Variants in OPCML observed in about 807,000 individuals in gnomAD.
OPCML encodes opioid-binding protein/cell adhesion molecule.
Under a neutral mutation model 37.8 loss-of-function variants are expected in OPCML, and 13 were observed. That is an observed-to-expected ratio of 0.34 (90% CI 0.22 to 0.55). The LOEUF (loss-of-function observed/expected upper bound fraction) is 0.55. Ranked by LOEUF, OPCML falls within the 20% of genes least tolerant of loss-of-function variation. The probability of loss-of-function intolerance (pLI) is 0.91; values close to 1 mark genes in which losing one functional copy is unlikely to be tolerated. For missense variants in OPCML, 341 were observed against 435.6 expected (o/e 0.78, Z 1.93); for synonymous variants, 176 against 168.8 (o/e 1.04, Z -0.33).
intron 2 of OPCML, among the ~76,000 whole-genome samples, chr11:132,845,711 TAG>T (rs1349003085): frequency 6.6e-6 from 1 of 152,248 alleles, no homozygotes; most frequent in Non-Finnish European, 1.5e-5. Context: ...TGCTCTTCCA[TAG>T]AGATTCCCGT....
intron 1 of OPCML, among the ~76,000 whole-genome samples, chr11:133,479,551 C>T (rs1384370508): frequency 6.6e-6 from 1 of 152,208 alleles, no homozygotes; most frequent in Non-Finnish European, 1.5e-5. Flanking sequence ...TTGCTGTGCA[C>T]ACAGGCCCTG....
intron 4 of OPCML, among the ~76,000 whole-genome samples, chr11:132,512,926 T>C (rs925729105): frequency 2.6e-5 from 4 of 152,010 alleles, no homozygotes; most frequent in Non-Finnish European, 4.4e-5. Flanking sequence ...TATATAGATA[T>C]ATAAATTTGT....
intron 1 of OPCML, among the ~76,000 whole-genome samples, chr11:133,106,059 A>G (rs887996505): frequency 2.2e-4 from 33 of 152,208 alleles, no homozygotes; most frequent in Admixed American, 2.2e-3. Context: ...TTAAAATAAC[A>G]TAATATTTTA....
intron 1 of OPCML, among the ~76,000 whole-genome samples, chr11:132,947,658 C>T (rs2136689833): frequency 6.6e-6 from 1 of 152,246 alleles, no homozygotes; most frequent in East Asian, 1.9e-4. Flanking sequence ...AGAAAATGAG[C>T]TGAGGTTCAC....
intron 4 of OPCML, among the ~76,000 whole-genome samples, chr11:132,475,174 C>T (rs1481919297): frequency 6.6e-6 from 1 of 152,128 alleles, no homozygotes; most frequent in Non-Finnish European, 1.5e-5. Flanking sequence ...TACATAAGCC[C>T]CCACTAAGAC....
chr11:133,260,990 C>A (rs562359669), intron 1 of OPCML, among the ~76,000 whole-genome samples: 2 of 152,296 alleles, frequency 1.3e-5, no homozygotes, highest in South Asian at 4.2e-4. Flanking sequence ...CGAAGTGCAG[C>A]TCCAGGTGAC....
At chr11:132,726,459 G>A (rs146666264) in intron 2 of OPCML, among the ~76,000 whole-genome samples, 2 of 151,804 alleles carry the variant, frequency 1.3e-5, no homozygotes, top group African/African-American at 4.8e-5. Context: ...CACAACACAT[G>A]GAAATTCAAG....
chr11:133,474,704 A>C (rs1233876022), intron 1 of OPCML, among the ~76,000 whole-genome samples: 5 of 152,114 alleles, frequency 3.3e-5, no homozygotes, highest in Non-Finnish European at 5.9e-5. Flanking sequence ...AACCCAGCTC[A>C]CTCTGGTTGC....
At chr11:132,922,007 G>A (rs1944822994) in intron 2 of OPCML, among the ~76,000 whole-genome samples, 1 of 151,986 alleles carries the variant, frequency 6.6e-6, no homozygotes, top group African/African-American at 2.4e-5. Context: ...AGCCTCCTGA[G>A]TAGCTGGGAT....
At chr11:133,528,548 C>T (rs1490709963) in intron 1 of OPCML, among the ~76,000 whole-genome samples, 1 of 152,182 alleles carries the variant, frequency 6.6e-6, no homozygotes, top group Non-Finnish European at 1.5e-5. Flanking sequence ...TAGAGCCTGC[C>T]CCCAGGCCTT....
intron 2 of OPCML, among the ~76,000 whole-genome samples, chr11:132,910,716 A>G (rs1944400625): frequency 6.6e-6 from 1 of 152,240 alleles, no homozygotes; most frequent in Non-Finnish European, 1.5e-5. Context: ...CTTTAAATAT[A>G]AATATATGCA....
At chr11:132,907,511 T>C (rs1944284779) in intron 2 of OPCML, among the ~76,000 whole-genome samples, 1 of 151,992 alleles carries the variant, frequency 6.6e-6, no homozygotes, top group Non-Finnish European at 1.5e-5. Context: ...CACCCTTGTA[T>C]TCTCAGCTAC....
chr11:132,882,242 C>T (rs1943248698), intron 2 of OPCML, among the ~76,000 whole-genome samples: 1 of 152,108 alleles, frequency 6.6e-6, no homozygotes, highest in Non-Finnish European at 1.5e-5. Flanking sequence ...AAAAATGAAC[C>T]TCGTGGATAT....
intron 1 of OPCML, among the ~76,000 whole-genome samples, chr11:133,327,092 G>A (rs1471652744): frequency 7.0e-6 from 1 of 142,166 alleles, no homozygotes; most frequent in Non-Finnish European, 1.5e-5. Context: ...TGGGGTATGT[G>A]GTGGTGTGTG....
intron 3 of OPCML, among the ~76,000 whole-genome samples, chr11:132,620,893 C>T (rs2137915234): frequency 6.6e-6 from 1 of 152,276 alleles, no homozygotes; most frequent in African/African-American, 2.4e-5. Flanking sequence ...AGGTTGGGTG[C>T]AGCAGAGGAG....
intron 1 of OPCML, among the ~76,000 whole-genome samples, chr11:133,235,882 G>T (rs1853973082): frequency 6.6e-6 from 1 of 152,160 alleles, no homozygotes; most frequent in Non-Finnish European, 1.5e-5. Context: ...AAATGGGAGG[G>T]TTGGACAAGA....
At chr11:133,253,207 G>A (rs1941200372) in intron 1 of OPCML, among the ~76,000 whole-genome samples, 1 of 151,874 alleles carries the variant, frequency 6.6e-6, no homozygotes. Flanking sequence ...AGCAGGCCTT[G>A]GAATCAGAGC....
At chr11:133,074,633 G>T (rs1257276052) in intron 1 of OPCML, among the ~76,000 whole-genome samples, 2 of 152,154 alleles carry the variant, frequency 1.3e-5, no homozygotes, top group African/African-American at 2.4e-5. Context: ...GCTAGTCGGG[G>T]CTCTTGCCCC....
chr11:133,084,898 T>C (rs1948795910), intron 1 of OPCML, among the ~76,000 whole-genome samples: 1 of 152,194 alleles, frequency 6.6e-6, no homozygotes, highest in African/African-American at 2.4e-5. Context: ...ATAAAAATAC[T>C]GACATCAAAA....
Sources: gnomAD v4.1 joint callset for allele counts (sites outside exome capture counted in the v4.1 genomes callset) on GRCh38, gnomAD v4.1.1 for gene constraint, MANE v1.5 for transcripts, NCBI Gene and HGNC (gene_info 2026-07-23, HGNC 2026-07-21) for gene names.